Variants in NRXN1 observed in about 807,000 individuals in gnomAD.
The protein encoded by NRXN1 is neurexin-1.
Under a neutral mutation model 150.9 loss-of-function variants are expected in NRXN1, and 39 were observed. The observed-to-expected ratio is 0.26, with a 90% CI of 0.20 to 0.34. The LOEUF is 0.34. Ranked by LOEUF, NRXN1 falls within the 10% of genes least tolerant of loss-of-function variation. NRXN1 has a pLI of 1.00. For synonymous variants in NRXN1, 924 were observed against 757.0 expected, an observed-to-expected ratio of 1.22 and a Z score of -3.62; for missense variants, 1,815 against 1,949.9, an observed-to-expected ratio of 0.93 and a Z score of 1.30.
intron 17 of NRXN1, among the ~76,000 whole-genome samples, chr2:50,349,976 A>G (rs549750876): frequency 6.6e-6 from 1 of 152,338 alleles, no homozygotes; most frequent in African/African-American, 2.4e-5. Flanking sequence ...TATGTGAAAC[A>G]TATCTAGTCT....
At chr2:50,264,132 T>G (rs1253951901) in intron 17 of NRXN1, among the ~76,000 whole-genome samples, 2 of 152,138 alleles carry the variant, frequency 1.3e-5, no homozygotes, top group Non-Finnish European at 1.5e-5. Flanking sequence ...ACTTATCAAT[T>G]AAGGATAATA....
At chr2:49,941,347 G>A (rs572205398) in intron 22 of NRXN1, among the ~76,000 whole-genome samples, 109 of 150,542 alleles carry the variant, frequency 7.2e-4, no homozygotes, top group African/African-American at 2.6e-3. Flanking sequence ...AGCAGAAGAC[G>A]ATGGCAAAAG....
chr2:50,879,001 G>A (rs1417632490), intron 5 of NRXN1, among the ~76,000 whole-genome samples: 1 of 151,936 alleles, frequency 6.6e-6, no homozygotes, highest in East Asian at 2.0e-4. Flanking sequence ...TGGCTATGAT[G>A]ACCAGTTGTT....
intron 5 of NRXN1, among the ~76,000 whole-genome samples, chr2:50,895,146 T>C (rs1681724569): frequency 6.6e-6 from 1 of 152,156 alleles, no homozygotes; most frequent in African/African-American, 2.4e-5. Context: ...ACAGAAGCCT[T>C]AGAACCTTCA....
chr2:50,146,755 C>CTTCT (rs1416321150), intron 18 of NRXN1, among the ~76,000 whole-genome samples: 3 of 151,570 alleles, frequency 2.0e-5, no homozygotes, highest in Non-Finnish European at 4.4e-5. Context: ...TTTGAATAAT[C>CTTCT]TTCTTTTGTT....
At chr2:50,350,056 T>A (rs1039911128) in intron 17 of NRXN1, among the ~76,000 whole-genome samples, 2 of 152,206 alleles carry the variant, frequency 1.3e-5, no homozygotes, top group Admixed American at 1.3e-4. Context: ...GAACACTGAA[T>A]TAGCAAATAC....
At chr2:50,758,710 T>C (rs1240506656) in intron 5 of NRXN1, among the ~76,000 whole-genome samples, 1 of 151,918 alleles carries the variant, frequency 6.6e-6, no homozygotes, top group Non-Finnish European at 1.5e-5. Flanking sequence ...TAACATGGTC[T>C]CTTTTCCTTT....
At chr2:50,578,455 G>C (rs749011110) in intron 8 of NRXN1, among the ~76,000 whole-genome samples, 18 of 152,148 alleles carry the variant, frequency 1.2e-4, no homozygotes, top group Admixed American at 1.3e-4. Context: ...GTAATAAATA[G>C]TGCAGAGAGA....
intron 17 of NRXN1, among the ~76,000 whole-genome samples, chr2:50,248,871 G>C (rs1333127553): frequency 2.0e-5 from 3 of 152,014 alleles, no homozygotes; most frequent in Non-Finnish European, 4.4e-5. Flanking sequence ...TTTGGGCTGG[G>C]TATGGTGACT....
intron 5 of NRXN1, among the ~76,000 whole-genome samples, chr2:50,707,993 C>G (rs1694670490): frequency 6.6e-6 from 1 of 152,190 alleles, no homozygotes; most frequent in South Asian, 2.1e-4. Flanking sequence ...GCTAACTGAA[C>G]ATTTTGTTTC....
chr2:50,592,935 C>A (rs1674527797), intron 8 of NRXN1, among the ~76,000 whole-genome samples: 2 of 152,144 alleles, frequency 1.3e-5, no homozygotes, highest in Non-Finnish European at 1.5e-5. Flanking sequence ...TCCCAGAGCA[C>A]TTTATTTAGG....
intron 5 of NRXN1, among the ~76,000 whole-genome samples, chr2:50,654,715 C>T (rs1180463601): frequency 2.0e-5 from 3 of 152,054 alleles, no homozygotes; most frequent in Non-Finnish European, 4.4e-5. Flanking sequence ...TTCTAATGAT[C>T]ACCATTCTAA....
At position 50,053,429 on chromosome 2, in the gene NRXN1, C is replaced by G; in HGVS notation, c.3970G>C (p.Val1324Leu). ...NDANIAIVGN[V>L]RLVGEVPSSM... Reference sequence around the variant, plus strand: ...GAAGGCACTTCACCAACCAGTCTCACATTTCCCACTATGGCGATGTTGGCA... The same window carrying G: ...GAAGGCACTTCACCAACCAGTCTCAGATTTCCCACTATGGCGATGTTGGCA... Residue 1324 changes from valine to leucine, a missense_variant, in exon 21 of 23, where the codon GTG becomes CTG. Val to Leu is a conservative substitution (Grantham distance 32). Coordinates refer to ENST00000401669, the MANE Select transcript of NRXN1 (RefSeq NM_001330078.2). The G allele has an allele frequency of 6.2e-7, 1 of 1,614,038 alleles. No homozygotes were observed. Among genetic ancestry groups the G allele is most frequent in the Non-Finnish European group, 8.5e-7 (1 of 1,179,922 alleles).
intron 8 of NRXN1, among the ~76,000 whole-genome samples, chr2:50,571,872 G>A (rs528197953): frequency 6.6e-6 from 1 of 152,242 alleles, no homozygotes; most frequent in African/African-American, 2.4e-5. Context: ...CCCCAACAGA[G>A]CTGAACCTAA....
chr2:50,115,352 C>A (rs1031267639), intron 18 of NRXN1, among the ~76,000 whole-genome samples: 1 of 151,268 alleles, frequency 6.6e-6, no homozygotes, highest in African/African-American at 2.4e-5. Context: ...TCTGGGGGTA[C>A]TCAGGAGTTT....
chr2:50,247,525 T>A (rs1043819517), intron 17 of NRXN1, among the ~76,000 whole-genome samples: 2 of 152,136 alleles, frequency 1.3e-5, no homozygotes, highest in Non-Finnish European at 2.9e-5. Flanking sequence ...TTCTGTGCTA[T>A]TTTTGGCAAA....
At chr2:50,724,755 T>C in intron 5 of NRXN1, among the ~76,000 whole-genome samples, 1 of 152,126 alleles carries the variant, frequency 6.6e-6, no homozygotes, top group East Asian at 1.9e-4. Context: ...AAAAAAAGAA[T>C]ACATATGTGT....
intron 17 of NRXN1, among the ~76,000 whole-genome samples, chr2:50,402,005 T>A (rs1044358219): frequency 3.4e-4 from 52 of 152,120 alleles, no homozygotes; most frequent in Non-Finnish European, 1.8e-4. Context: ...GAAGGTTTGA[T>A]ACAAGAAGTT....
intron 5 of NRXN1, among the ~76,000 whole-genome samples, chr2:50,772,690 G>C (rs1284212515): frequency 6.6e-6 from 1 of 152,040 alleles, no homozygotes; most frequent in Non-Finnish European, 1.5e-5. Context: ...ACCCATCCTT[G>C]GTCACTGGTT....
Sources: allele counts gnomAD v4.1 joint callset (sites outside exome capture counted in the v4.1 genomes callset), GRCh38; gene constraint gnomAD v4.1.1; transcripts MANE v1.5; gene names NCBI Gene and HGNC (gene_info 2026-07-23, HGNC 2026-07-21).